SUSD6: variants seen among roughly 807,000 people sequenced by gnomAD.
SUSD6 encodes the protein sushi domain containing 6, also known as sushi domain-containing protein 6.
In SUSD6, 16 loss-of-function variants were observed where a neutral mutation model predicts 28.4. The observed-to-expected ratio is 0.56, with a 90% CI of 0.38 to 0.86. The LOEUF (loss-of-function observed/expected upper bound fraction) is 0.86. Ranked by LOEUF, SUSD6 falls within the 40% of genes least tolerant of loss-of-function variation. The pLI, the probability that SUSD6 is intolerant of heterozygous loss-of-function variation, is 0.00. For missense variants in SUSD6, 341 were observed against 384.2 expected, an observed-to-expected ratio of 0.89 and a Z score of 0.94; for synonymous variants, 147 against 159.6, an observed-to-expected ratio of 0.92 and a Z score of 0.59.
At position 69,628,236 on chromosome 14, in the gene SUSD6, A is replaced by G. The variant is rs569022181; in HGVS notation, c.-81+16408A>G. On this transcript the variant is annotated intron_variant, in intron 1 of 5. Coordinates refer to ENST00000342745, the MANE Select transcript of SUSD6 (RefSeq NM_014734.4). ...ACATGAGCCACTGCTCTCGGCCCCAAAGTGACTCTGAACTCTGTTTTCCCA... is the reference window on the plus strand; with the variant it reads ...ACATGAGCCACTGCTCTCGGCCCCAGAGTGACTCTGAACTCTGTTTTCCCA... 2.0e-5 allele frequency among the ~76,000 whole-genome samples: 3 copies of G among 152,146 alleles called. No homozygotes were observed. In the South Asian group the frequency reaches 6.2e-4, roughly 32 times the overall value.
intron 2 of SUSD6, among the ~76,000 whole-genome samples, chr14:69,702,055 A>G (rs1317568987): frequency 2.0e-5 from 3 of 151,848 alleles, no homozygotes; most frequent in Non-Finnish European, 4.4e-5. Context: ...CCTCTCGTGG[A>G]TGAGAAACTG....
chr14:69,659,256 TG>T (rs1279628968), intron 2 of SUSD6, among the ~76,000 whole-genome samples: 6 of 152,202 alleles, frequency 3.9e-5, no homozygotes, highest in Non-Finnish European at 7.3e-5. Flanking sequence ...AGTGGGTAGT[TG>T]AAGTATTGTA....
Position 69,626,579 on chromosome 14 carries a change from G to A in SUSD6, c.-81+14751G>A, listed in dbSNP as rs565197333. 2.0e-5 allele frequency among the ~76,000 whole-genome samples: 3 copies of A among 152,146 alleles called. 1 individual carries two copies. In the South Asian group the frequency reaches 6.2e-4, roughly 32 times the overall value. The stretch of plus-strand genomic sequence containing the variant: ...ATTCTTTGAATATCTCCTTGCTATG[G>A]GTATTGGGCTTACATTTAATAATTC... On this transcript the variant is annotated intron_variant, in intron 1 of 5. Transcript: ENST00000342745.
Position 69,714,134 on chromosome 14 carries a change from G to C in SUSD6, c.*3155G>C, listed in dbSNP as rs1217318697. 4 of 152,170 alleles carry C rather than the reference G, an allele frequency of 2.6e-5. No individual in the cohort carries two copies. The East Asian group carries it at 7.7e-4, about 29-fold the overall frequency. The allele number at this position is 152,170 out of a possible 1,614,324, so 9.4% of individuals were successfully genotyped here. A position where few individuals can be genotyped will look rare whatever the true frequency, so the allele number is the denominator to read the frequency against. ...TTCAATGTACATTCTATAAATACAA[G>C]CACTCCATTTGCAAACAGATCTTAA... On this transcript the variant is annotated 3_prime_UTR_variant, in exon 6 of 6. Coordinates refer to ENST00000342745, the MANE Select transcript of SUSD6 (RefSeq NM_014734.4).
chr14:69,629,061 G>C (rs1264870908), intron 1 of SUSD6, among the ~76,000 whole-genome samples: 1 of 151,954 alleles, frequency 6.6e-6, no homozygotes, highest in Non-Finnish European at 1.5e-5. Flanking sequence ...AAAGTTGGGT[G>C]GGGGATGAGG....
intron 1 of SUSD6, among the ~76,000 whole-genome samples, chr14:69,654,572 G>T (rs945197633): frequency 9.2e-5 from 14 of 152,152 alleles, no homozygotes; most frequent in Admixed American, 2.6e-4. Flanking sequence ...TTTAATGGCA[G>T]TTTGTTGAGA....
chr14:69,709,307 C>T (rs995787975), intron 5 of SUSD6, among the ~76,000 whole-genome samples: 2 of 152,104 alleles, frequency 1.3e-5, no homozygotes, highest in African/African-American at 2.4e-5. Flanking sequence ...TTTTCACTGA[C>T]GCCTGTGAAT....
intron 2 of SUSD6, among the ~76,000 whole-genome samples, chr14:69,696,731 A>G (rs917017595): frequency 2.0e-5 from 3 of 152,178 alleles, no homozygotes; most frequent in Non-Finnish European, 4.4e-5. Context: ...AATAGCCACT[A>G]CTAGGTGGCT....
intron 3 of SUSD6, 72 bp from the exon 4 acceptor site, chr14:69,704,532 C>T (rs1886358685): frequency 6.7e-7 from 1 of 1,487,744 alleles, no homozygotes; most frequent in East Asian, 2.3e-5. Context: ...TTGACAAGAT[C>T]AGCTGTGGGG....
chr14:69,670,479 G>A (rs1005503537), intron 2 of SUSD6: 1 of 456,620 alleles, frequency 2.2e-6, no homozygotes, highest in African/African-American at 2.0e-5. Context: ...GCTTTTCTGA[G>A]GGAGAGAAGT....
At chr14:69,625,757 C>G (rs781383916) in intron 1 of SUSD6, among the ~76,000 whole-genome samples, 5 of 152,202 alleles carry the variant, frequency 3.3e-5, no homozygotes, top group Non-Finnish European at 5.9e-5. Flanking sequence ...GTGGCACACT[C>G]TTTACCACTC....
chr14:69,669,287 C>G (rs1315007103), intron 2 of SUSD6, among the ~76,000 whole-genome samples: 1 of 152,108 alleles, frequency 6.6e-6, no homozygotes, highest in Non-Finnish European at 1.5e-5. Flanking sequence ...TGGTCTCGAT[C>G]TCTTGACCTC....
chr14:69,697,675 G>A (rs116052934), intron 2 of SUSD6, among the ~76,000 whole-genome samples: 1 of 152,252 alleles, frequency 6.6e-6, no homozygotes, highest in East Asian at 1.9e-4. Context: ...CTTTGTGCTA[G>A]GTTTGTGATT....
chr14:69,631,442 A>T (rs981393939), intron 1 of SUSD6, among the ~76,000 whole-genome samples: 1 of 152,102 alleles, frequency 6.6e-6, no homozygotes, highest in Non-Finnish European at 1.5e-5. Flanking sequence ...TGGTCTCATC[A>T]CTTTCTATCT....
At chr14:69,622,559 A>G (rs1382202455) in intron 1 of SUSD6, among the ~76,000 whole-genome samples, 4 of 152,150 alleles carry the variant, frequency 2.6e-5, no homozygotes, top group Non-Finnish European at 4.4e-5. Context: ...CTGGACATCC[A>G]TATTCATAGC....
At chr14:69,661,899 G>A (rs1275743) in intron 2 of SUSD6, among the ~76,000 whole-genome samples, 151,099 of 152,256 alleles carry the variant, frequency 0.99, 74,981 homozygotes, top group Middle Eastern at 1. Context: ...TCCCAGGCTG[G>A]AGCAGTCCTC....
intron 1 of SUSD6, among the ~76,000 whole-genome samples, chr14:69,621,358 CAG>C (rs1885038620): frequency 6.6e-6 from 1 of 152,086 alleles, no homozygotes; most frequent in Admixed American, 6.5e-5. Flanking sequence ...CAAATATAAA[CAG>C]GGTGTTAAAA....
intron 1 of SUSD6, among the ~76,000 whole-genome samples, chr14:69,636,244 T>C (rs1289130906): frequency 6.6e-6 from 1 of 152,208 alleles, no homozygotes; most frequent in African/African-American, 2.4e-5. Context: ...ATAGAGCAAG[T>C]ACTGTTGCTG....
chr14:69,683,769 A>ATG lies in SUSD6; in HGVS notation c.122-19622_122-19621dup, dbSNP rs566607447. 1.0e-3 allele frequency among the ~76,000 whole-genome samples: 157 copies of ATG among 152,312 alleles called. 2 individuals are homozygous for ATG. The highest frequency in any genetic ancestry group is 4.9e-3 in the Admixed American group (75 of 15,302). On this transcript the variant is annotated intron_variant, in intron 2 of 5. Coordinates refer to ENST00000342745, the MANE Select transcript of SUSD6 (RefSeq NM_014734.4). ...TGAAAAGAAATCATCATGAGGAAAA[A>ATG]TGTGTTTTGGGGGGAAGATTTGCAT...
Sources: gnomAD v4.1 joint callset for allele counts (sites outside exome capture counted in the v4.1 genomes callset) on GRCh38, gnomAD v4.1.1 for gene constraint, MANE v1.5 for transcripts, NCBI Gene and HGNC (gene_info 2026-07-23, HGNC 2026-07-21) for gene names.